The following MYO9A variants were observed in gnomAD, a reference collection of about 807,000 sequenced individuals.
MYO9A encodes the protein myosin IXA.
Under a neutral mutation model 293.3 loss-of-function variants are expected in MYO9A, and 103 were observed. That is an observed-to-expected ratio of 0.35 (90% CI 0.30 to 0.41). MYO9A has a LOEUF of 0.41. MYO9A is among the 10% of genes least tolerant of loss of function. MYO9A has a pLI of 1.00. For synonymous variants in MYO9A, 1,001 were observed against 1,035.7 expected, an observed-to-expected ratio of 0.97 and a Z score of 0.64; for missense variants, 2,685 against 3,033.0, an observed-to-expected ratio of 0.89 and a Z score of 2.69.
chr15:71,957,303 T>G (rs1331841597), intron 14 of MYO9A, among the ~76,000 whole-genome samples: 1 of 152,150 alleles, frequency 6.6e-6, no homozygotes, highest in Non-Finnish European at 1.5e-5. Context: ...ACTGGGAGCC[T>G]TTGATTAAAT....
intron 4 of MYO9A, among the ~76,000 whole-genome samples, chr15:72,022,429 G>A (rs761288613): frequency 2.4e-4 from 36 of 151,764 alleles, no homozygotes; most frequent in Non-Finnish European, 4.4e-4. Flanking sequence ...GCTGAGGCAG[G>A]AGAATCGCTT....
intron 1 of MYO9A, among the ~76,000 whole-genome samples, chr15:72,052,847 G>T (rs2078607113): frequency 6.6e-6 from 1 of 152,170 alleles, no homozygotes; most frequent in African/African-American, 2.4e-5. Flanking sequence ...GTAGGTGTGG[G>T]ATCCAGGCTG....
Position 71,851,322 on chromosome 15 carries a change from T to A in MYO9A, c.6512A>T (p.Tyr2171Phe), listed in dbSNP as rs748099051. The change falls in exon 37 of 42, where the codon TAC (tyrosine) becomes TTC (phenylalanine). Residue 2171 changes from tyrosine (Y) to phenylalanine (F), a missense_variant. By Grantham distance (22) the Tyr-to-Phe change is conservative. Around this residue, in one of 10 missense-constraint regions of MYO9A, gnomAD observed 238 missense variants for 269.1 expected, o/e 0.88. Transcript: ENST00000356056. Reference sequence around the variant, plus strand: ...TCGGGAGAGTTGATCAATCACAGAGTATACACCACGGATTGTCTCCTTCCT... The same window carrying A: ...TCGGGAGAGTTGATCAATCACAGAGAATACACCACGGATTGTCTCCTTCCT... ...QERKETIRGV[Y>F]SVIDQLSRTH... 2 of 1,613,648 alleles carry A rather than the reference T, an allele frequency of 1.2e-6. No homozygotes were observed. Among genetic ancestry groups the A allele is most frequent in the African/African-American group, 2.7e-5 (2 of 74,864 alleles).
chr15:71,827,467 T>C (rs1363726709), intron 41 of MYO9A, among the ~76,000 whole-genome samples: 1 of 152,142 alleles, frequency 6.6e-6, no homozygotes, highest in East Asian at 1.9e-4. Flanking sequence ...ATTGTGATTA[T>C]TGGCTTTTCT....
At chr15:71,849,417 C>G (rs183609266) in intron 38 of MYO9A, among the ~76,000 whole-genome samples, 14 of 152,048 alleles carry the variant, frequency 9.2e-5, no homozygotes, top group African/African-American at 3.1e-4. Flanking sequence ...CCACTGCACT[C>G]CAGCCTAGGC....
chr15:72,007,829 T>C lies in MYO9A; in HGVS notation c.1377A>G (p.Leu459=). 1 of 1,608,114 alleles carries C rather than the reference T, an allele frequency of 6.2e-7. No individual in the cohort carries two copies. Among genetic ancestry groups the C allele is most frequent in the Non-Finnish European group, 8.5e-7 (1 of 1,178,360 alleles). The change falls in exon 8 of 42, where the codon TTA becomes TTG. Residue 459 remains leucine (L), a synonymous_variant. Transcript: ENST00000356056. The stretch of plus-strand genomic sequence containing the variant: ...AACTGAAAATGTAATCACTCACCTC[T>C]AATAATTCTGAGACAATAGGCAGAA... ...PEVLPIVSEL[L]EVKEEMLFEA...
At chr15:71,942,031 T>C (rs2058789828) in intron 15 of MYO9A, among the ~76,000 whole-genome samples, 1 of 152,038 alleles carries the variant, frequency 6.6e-6, no homozygotes, top group Non-Finnish European at 1.5e-5. Context: ...TATATAATTC[T>C]TAACTACACC....
Position 71,898,302 on chromosome 15 carries a change from A to G in MYO9A, c.4201T>C (p.Ser1401Pro), listed in dbSNP as rs375248561. The change falls in exon 25 of 42, where the codon TCT becomes CCT. Residue 1401 changes from serine (S) to proline (P), a missense_variant. Ser to Pro is a moderately conservative substitution (Grantham distance 74). Coordinates refer to ENST00000356056, the MANE Select transcript of MYO9A (RefSeq NM_006901.4). ...MKEMVVCSSE[S>P]ITCKPQLKDS... The stretch of plus-strand genomic sequence containing the variant: ...TTCAGCTGTGGTTTACAGGTAATAG[A>G]CTCAGAACTGCAGACCACCATTTCC... 6.2e-7 allele frequency: 1 copy of G among 1,613,870 alleles called. No individual in the cohort carries two copies. The highest frequency in any genetic ancestry group is 8.5e-7 in the Non-Finnish European group (1 of 1,180,020).
chr15:71,908,023 C>T (rs2057719376), intron 19 of MYO9A, among the ~76,000 whole-genome samples: 1 of 152,128 alleles, frequency 6.6e-6, no homozygotes, highest in African/African-American at 2.4e-5. Flanking sequence ...CTTGCCCATG[C>T]CTATGTCCTG....
intron 12 of MYO9A, among the ~76,000 whole-genome samples, chr15:71,974,111 C>T (rs1400997517): frequency 6.6e-6 from 1 of 151,840 alleles, no homozygotes; most frequent in East Asian, 1.9e-4. Context: ...AAAAAACAAA[C>T]AAACAAACAA....
chr15:71,943,241 A>C (rs1284330583), intron 15 of MYO9A, among the ~76,000 whole-genome samples: 5 of 151,868 alleles, frequency 3.3e-5, no homozygotes, highest in Non-Finnish European at 7.4e-5. Flanking sequence ...AAAAATTGTT[A>C]TTACTGTGGT....
At chr15:72,093,111 T>C (rs968092862) in intron 1 of MYO9A, among the ~76,000 whole-genome samples, 1 of 152,014 alleles carries the variant, frequency 6.6e-6, no homozygotes, top group Non-Finnish European at 1.5e-5. Context: ...CCAACACACA[T>C]GCAAAAATTT....
At chr15:71,981,244 C>G (rs2076263753) in intron 11 of MYO9A, among the ~76,000 whole-genome samples, 1 of 152,130 alleles carries the variant, frequency 6.6e-6, no homozygotes, top group South Asian at 2.1e-4. Context: ...CCTATAATTT[C>G]CACTTCTAAT....
intron 32 of MYO9A, 30 bp from the exon 33 acceptor site, chr15:71,862,641 A>G (rs750846948): frequency 2.1e-6 from 3 of 1,452,526 alleles, no homozygotes; most frequent in East Asian, 2.3e-5. Context: ...TACTTATATT[A>G]AAGCCAACAC....
chr15:71,918,429 C>T (rs1045850942), intron 18 of MYO9A, among the ~76,000 whole-genome samples: 2 of 151,982 alleles, frequency 1.3e-5, no homozygotes, highest in Non-Finnish European at 2.9e-5. Flanking sequence ...GAGTACTCCA[C>T]AGCTCATAAA....
At chr15:71,997,434 A>C (rs2076730038) in intron 9 of MYO9A, among the ~76,000 whole-genome samples, 1 of 152,082 alleles carries the variant, frequency 6.6e-6, no homozygotes, top group Non-Finnish European at 1.5e-5. Context: ...CCCCATCTCT[A>C]CTAAAAATAC....
At position 71,823,877 on chromosome 15, in the gene MYO9A, A is replaced by C. The variant is rs901944545; in HGVS notation, c.*2703T>G. The C allele has an allele frequency of 6.6e-6, 1 of 152,218 alleles. No homozygotes were observed. The highest frequency in any genetic ancestry group is 6.5e-5 in the Admixed American group (1 of 15,286). The allele number at this position is 152,218 out of a possible 1,614,324, so 9.4% of individuals were successfully genotyped here. On this transcript the variant is annotated 3_prime_UTR_variant, in exon 42 of 42. Transcript: ENST00000356056. ...CACTATGGAACCACAAATGTGATGC[A>C]TATTAAGGGCTAACAGTTTCATAAG...
chr15:72,076,210 C>T (rs2079346260), intron 1 of MYO9A, among the ~76,000 whole-genome samples: 1 of 150,710 alleles, frequency 6.6e-6, no homozygotes, highest in African/African-American at 2.4e-5. Flanking sequence ...GAGGTTGAGG[C>T]AGGAGAATCG....
At chr15:72,087,905 T>C (rs998762515) in intron 1 of MYO9A, among the ~76,000 whole-genome samples, 1 of 152,212 alleles carries the variant, frequency 6.6e-6, no homozygotes, top group Non-Finnish European at 1.5e-5. Context: ...AGCCCCAATC[T>C]GCAATGTGAG....
Sources: gnomAD v4.1 joint callset for allele counts (sites outside exome capture counted in the v4.1 genomes callset) on GRCh38, gnomAD v4.1.1 for gene constraint, gnomAD v4.1.1 regional missense constraint, MANE v1.5 for transcripts, NCBI Gene and HGNC (gene_info 2026-07-23, HGNC 2026-07-21) for gene names.